The following ASTN2 variants were observed in gnomAD, a reference collection of about 807,000 sequenced individuals.
ASTN2 encodes astrotactin-2.
A neutral mutation model predicts 139.8 loss-of-function variants in ASTN2; 54 were observed. The ratio of observed to expected loss-of-function variants is 0.39; its 90% confidence interval spans 0.31 to 0.48. The LOEUF is 0.48. Among genes scored for constraint, ASTN2 ranks in the 20% least tolerant of loss-of-function variants. The pLI, the probability that ASTN2 is intolerant of heterozygous loss-of-function variation, is 0.95. For synonymous variants in ASTN2, 756 were observed against 719.5 expected, an observed-to-expected ratio of 1.05 and a Z score of -0.81; for missense variants, 1,565 against 1,725.1, an observed-to-expected ratio of 0.91 and a Z score of 1.64.
intron 2 of ASTN2, among the ~76,000 whole-genome samples, chr9:117,247,350 C>A (rs1271392547): frequency 6.6e-6 from 1 of 152,188 alleles, no homozygotes; most frequent in Non-Finnish European, 1.5e-5. Context: ...GGCAGTAGAA[C>A]AGAAACCTGT....
chr9:117,310,850 C>T (rs1328369010), intron 1 of ASTN2, among the ~76,000 whole-genome samples: 2 of 152,154 alleles, frequency 1.3e-5, no homozygotes, highest in African/African-American at 4.8e-5. Context: ...TCTTGAATTA[C>T]TGGGCTCAAG....
intron 6 of ASTN2, among the ~76,000 whole-genome samples, chr9:117,017,958 T>TAAAA (rs10649974): frequency 1.4e-5 from 2 of 142,498 alleles, no homozygotes; most frequent in African/African-American, 2.6e-5. Context: ...TCAGTCTCAT[T>TAAAA]AAAAAAAAAA....
At chr9:116,887,661 G>T (rs1833649403) in intron 10 of ASTN2, among the ~76,000 whole-genome samples, 1 of 152,064 alleles carries the variant, frequency 6.6e-6, no homozygotes. Flanking sequence ...AATTTACTTT[G>T]TATTGTTGTT....
intron 2 of ASTN2, among the ~76,000 whole-genome samples, chr9:117,288,286 T>G (rs992399287): frequency 6.6e-6 from 1 of 152,178 alleles, no homozygotes; most frequent in African/African-American, 2.4e-5. Context: ...CAAAGCATGA[T>G]GGCTCCACCC....
At position 117,088,917 on chromosome 9, in the gene ASTN2, C is replaced by T. The variant is rs116730502; in HGVS notation, c.1276+7127G>A. ...AATGATCCAGCAGCTATAACAGCTC[C>T]GTCTCCTGCTCAGCATTGTGCCCAG... On this transcript the variant is annotated intron_variant, in intron 5 of 22. Transcript: ENST00000313400. 6.5e-3 allele frequency among the ~76,000 whole-genome samples: 990 copies of T among 152,296 alleles called. 4 individuals carry two copies. Among genetic ancestry groups the T allele is most frequent in the South Asian group, 0.02 (95 of 4,826 alleles).
chr9:116,887,257 T>C (rs1274852727), intron 10 of ASTN2, among the ~76,000 whole-genome samples: 1 of 151,704 alleles, frequency 6.6e-6, no homozygotes, highest in Non-Finnish European at 1.5e-5. Flanking sequence ...TAAACACACA[T>C]AGAAATACAT....
At chr9:116,957,702 C>G (rs1424199717) in intron 10 of ASTN2, among the ~76,000 whole-genome samples, 1 of 152,210 alleles carries the variant, frequency 6.6e-6, no homozygotes, top group Non-Finnish European at 1.5e-5. Flanking sequence ...GAGACGGAGT[C>G]TCGCTCTGTT....
chr9:117,297,170 C>T (rs1440140997), intron 1 of ASTN2, among the ~76,000 whole-genome samples: 1 of 152,218 alleles, frequency 6.6e-6, no homozygotes, highest in African/African-American at 2.4e-5. Flanking sequence ...TCTACAGCAC[C>T]AGCTGACCCT....
At chr9:117,394,876 TGA>T (rs981709899) in intron 1 of ASTN2, among the ~76,000 whole-genome samples, 1 of 152,008 alleles carries the variant, frequency 6.6e-6, no homozygotes, top group Non-Finnish European at 1.5e-5. Context: ...GGATTCCACA[TGA>T]GAGAAAGACA....
At chr9:117,292,285 A>C (rs1163933020) in intron 1 of ASTN2, among the ~76,000 whole-genome samples, 1 of 152,172 alleles carries the variant, frequency 6.6e-6, no homozygotes, top group East Asian at 1.9e-4. Flanking sequence ...TTCCTTCTGT[A>C]AATACTTTTA....
chr9:116,960,026 T>C (rs1835831863), intron 10 of ASTN2, among the ~76,000 whole-genome samples: 1 of 152,052 alleles, frequency 6.6e-6, no homozygotes, highest in Non-Finnish European at 1.5e-5. Context: ...GCCGCTGTGA[T>C]TTATGCCTGT....
At chr9:116,889,328 G>A (rs1235554224) in intron 10 of ASTN2, among the ~76,000 whole-genome samples, 2 of 152,128 alleles carry the variant, frequency 1.3e-5, no homozygotes, top group Non-Finnish European at 2.9e-5. Flanking sequence ...ATGCCTATTT[G>A]GTGGACTTTT....
In ASTN2 at chr9:117,347,789, C is replaced by T. The variant is rs141331563; in HGVS notation, c.443-56276G>A. ...GCTAAAGAGGAACAAAAAGACACAT[C>T]TGACCTCACATCTCTCCTTGTGCAA... On this transcript the variant is annotated intron_variant, in intron 1 of 22. Coordinates refer to ENST00000313400, the MANE Select transcript of ASTN2 (RefSeq NM_001365068.1). Among the ~76,000 whole-genome samples the T allele has an allele frequency of 9.2e-3, 1,408 of 152,282 alleles. 31 individuals carry two copies. The highest frequency in any genetic ancestry group is 0.032 in the African/African-American group (1,335 of 41,556).
chr9:116,636,264 T>G (rs1857070023), intron 17 of ASTN2, among the ~76,000 whole-genome samples: 1 of 152,246 alleles, frequency 6.6e-6, no homozygotes, highest in Non-Finnish European at 1.5e-5. Context: ...TGACCCAGGA[T>G]AAGTCTAAAA....
At chr9:116,514,169 A>T (rs1319005320) in intron 19 of ASTN2, among the ~76,000 whole-genome samples, 2 of 150,836 alleles carry the variant, frequency 1.3e-5, no homozygotes, top group African/African-American at 4.9e-5. Flanking sequence ...TGACGTACAG[A>T]TGGGGTTTTG....
intron 10 of ASTN2, among the ~76,000 whole-genome samples, chr9:116,954,251 G>T (rs1400771209): frequency 6.6e-6 from 1 of 152,180 alleles, no homozygotes; most frequent in African/African-American, 2.4e-5. Context: ...GTGAATGGCA[G>T]AGCTAGGATT....
At position 117,371,141 on chromosome 9, in the gene ASTN2, C is replaced by T. The variant is rs563637880; in HGVS notation, c.442+43356G>A. Among the ~76,000 whole-genome samples, 75 of 152,080 alleles carry T rather than the reference C, an allele frequency of 4.9e-4. 1 individual carries two copies. Among genetic ancestry groups the T allele is most frequent in the African/African-American group, 1.7e-3 (70 of 41,478 alleles). On this transcript the variant is annotated intron_variant, in intron 1 of 22. Transcript: ENST00000313400. The stretch of plus-strand genomic sequence containing the variant: ...GCCAAGACTAAACCTAGCTGGATGT[C>T]CCTACATTATCAAATACCCATAACA...
chr9:116,952,505 G>A (rs773127818), intron 10 of ASTN2, among the ~76,000 whole-genome samples: 29 of 152,284 alleles, frequency 1.9e-4, no homozygotes, highest in Admixed American at 8.5e-4. Flanking sequence ...CTCAATTTCC[G>A]CATTCTTTCT....
At chr9:117,117,219 G>GAA (rs1829417912) in intron 4 of ASTN2, among the ~76,000 whole-genome samples, 1 of 152,110 alleles carries the variant, frequency 6.6e-6, no homozygotes, top group African/African-American at 2.4e-5. Flanking sequence ...GAAGACACAT[G>GAA]AAAGTTTCTA....
Sources: gnomAD v4.1 joint callset for allele counts (sites outside exome capture counted in the v4.1 genomes callset) on GRCh38, gnomAD v4.1.1 for gene constraint, MANE v1.5 for transcripts, NCBI Gene and HGNC (gene_info 2026-07-23, HGNC 2026-07-21) for gene names.